GDAP1: variants seen among roughly 807,000 people sequenced by gnomAD.
GDAP1 encodes the protein ganglioside-induced differentiation-associated protein 1.
A neutral mutation model predicts 40.1 loss-of-function variants in GDAP1; 34 were observed. The observed-to-expected ratio is 0.85, with a 90% confidence interval of 0.64 to 1.13. GDAP1 has a LOEUF of 1.13. GDAP1 is among the 50% of genes most tolerant of loss of function. The pLI is 0.00. For missense variants in GDAP1, 374 were observed against 433.7 expected (o/e 0.86, Z 1.22); for synonymous variants, 170 against 157.4 (o/e 1.08, Z -0.60).
At chr8:74,484,080 T>C (rs1459558912) in intron 2 of GDAP1, among the ~76,000 whole-genome samples, 2 of 152,236 alleles carry the variant, frequency 1.3e-5, no homozygotes, top group Non-Finnish European at 2.9e-5. Flanking sequence ...AATATTGGTT[T>C]AATGAATAAA....
At chr8:74,355,634 A>T (rs995712168) in intron 2 of GDAP1, among the ~76,000 whole-genome samples, 2 of 152,214 alleles carry the variant, frequency 1.3e-5, no homozygotes, top group African/African-American at 4.8e-5. Context: ...TTTTCAATCT[A>T]TCTATTGTAC....
At chr8:74,362,794 T>TTA in intron 4 of GDAP1, 145 bp from the exon 5 acceptor site, 3 of 417,466 alleles carry the variant, frequency 7.2e-6, no homozygotes, top group Non-Finnish European at 1.3e-5. Flanking sequence ...CTTTTTTTTT[T>TTA]TTTTTTTTTT....
intron 2 of GDAP1, among the ~76,000 whole-genome samples, chr8:74,436,402 T>C (rs1806088647): frequency 6.8e-6 from 1 of 146,836 alleles, no homozygotes; most frequent in African/African-American, 2.5e-5. Flanking sequence ...AAACTTTTCC[T>C]TCCTAAACCA....
chr8:74,370,608 A>G (rs904526320), downstream of GDAP1, among the ~76,000 whole-genome samples: 1 of 152,256 alleles, frequency 6.6e-6, no homozygotes, highest in African/African-American at 2.4e-5. Flanking sequence ...AATGGAAAAC[A>G]TAGCAAGGTG....
intron 2 of GDAP1, among the ~76,000 whole-genome samples, chr8:74,377,447 C>T (rs909658254): frequency 4.6e-5 from 7 of 152,278 alleles, no homozygotes; most frequent in Admixed American, 6.5e-5. Context: ...AAATGCTCAA[C>T]ATTGTTATTC....
chr8:74,455,101 T>G (rs903693248), intron 2 of GDAP1, among the ~76,000 whole-genome samples: 1 of 151,966 alleles, frequency 6.6e-6, no homozygotes, highest in East Asian at 1.9e-4. Context: ...TTATTAAAAT[T>G]AAAAGATTCA....
downstream of GDAP1, chr8:74,367,021 C>A (rs1332571593): frequency 1.3e-5 from 3 of 235,604 alleles, no homozygotes; most frequent in Non-Finnish European, 2.5e-5. Context: ...TTCGTTATAA[C>A]AAAATTGCTG....
At chr8:74,426,389 A>G (rs1805948222) in intron 2 of GDAP1, among the ~76,000 whole-genome samples, 1 of 152,234 alleles carries the variant, frequency 6.6e-6, no homozygotes. Context: ...TTTGATTAAA[A>G]GTGGACATTC....
At chr8:74,369,977 A>G, downstream of GDAP1, among the ~76,000 whole-genome samples, 1 of 152,216 alleles carries the variant, frequency 6.6e-6, no homozygotes, top group Non-Finnish European at 1.5e-5. Context: ...CAGAGAAAAT[A>G]CCCCTTAAAA....
At position 74,364,287 on chromosome 8, in the gene GDAP1, G is replaced by A. The variant is rs1809518441; in HGVS notation, c.997G>A (p.Gly333Arg). The A allele has an allele frequency of 1.2e-6, 2 of 1,613,912 alleles. No individual in the cohort carries two copies. Among genetic ancestry groups the A allele is most frequent in the South Asian group, 1.1e-5 (1 of 91,076 alleles). ...TLVVGLLAGV[G>R]YFAFMLFRKR... ...TGTGGTTGGTTTGCTTGCAGGAGTGGGATATTTTGCTTTTATGCTTTTCAG... is the reference window on the plus strand; with the variant it reads ...TGTGGTTGGTTTGCTTGCAGGAGTGAGATATTTTGCTTTTATGCTTTTCAG... The change falls in exon 6 of 6, where the codon GGA becomes AGA. Residue 333 changes from glycine to arginine, a missense_variant. Physicochemically the swap from Gly to Arg is moderately radical, Grantham distance 125. Coordinates refer to ENST00000220822, the MANE Select transcript of GDAP1 (RefSeq NM_018972.4).
At chr8:74,384,135 TA>T (rs1387117166) in intron 2 of GDAP1, among the ~76,000 whole-genome samples, 1 of 152,218 alleles carries the variant, frequency 6.6e-6, no homozygotes. Flanking sequence ...ATGTTTATTT[TA>T]AAAACAATTT....
chr8:74,381,979 A>G (rs1307446113), intron 2 of GDAP1, among the ~76,000 whole-genome samples: 1 of 151,826 alleles, frequency 6.6e-6, no homozygotes, highest in Admixed American at 6.6e-5. Context: ...ATTGGCCACT[A>G]TGCTGGGGTA....
chr8:74,404,197 T>G (rs1479991354), intron 2 of GDAP1, among the ~76,000 whole-genome samples: 1 of 149,586 alleles, frequency 6.7e-6, no homozygotes, highest in Non-Finnish European at 1.5e-5. Flanking sequence ...TGCATTAACT[T>G]AAAAAAAATC....
intron 2 of GDAP1, among the ~76,000 whole-genome samples, chr8:74,426,826 A>T (rs1805953040): frequency 1.3e-5 from 2 of 152,180 alleles, no homozygotes; most frequent in South Asian, 4.1e-4. Context: ...TACATAGGAA[A>T]TACATACAAA....
intron 2 of GDAP1, among the ~76,000 whole-genome samples, chr8:74,476,460 C>T (rs1196476667): frequency 1.3e-5 from 2 of 152,158 alleles, no homozygotes; most frequent in African/African-American, 4.8e-5. Flanking sequence ...TTCAGGCGCT[C>T]TTGTAAGGCA....
Position 74,397,916 on chromosome 8 carries a change from G to A in GDAP1, c.165+46595G>A, listed in dbSNP as rs944128943. ...AGAAAGTCATTGGTAGCTTGATGGG[G>A]ATGGCATTGAATCTATAAATTACCT... On this transcript the variant is annotated intron_variant, in intron 2 of 2. Transcript: ENST00000523640. Among the ~76,000 whole-genome samples the A allele has an allele frequency of 1.0e-3, 151 of 151,742 alleles. No individual in the cohort carries two copies. The Middle Eastern group carries it at 0.014, about 14-fold the overall frequency.
intron 2 of GDAP1, among the ~76,000 whole-genome samples, chr8:74,447,284 C>T (rs1473623980): frequency 6.6e-6 from 1 of 152,060 alleles, no homozygotes; most frequent in Non-Finnish European, 1.5e-5. Flanking sequence ...ATGTCTTTCT[C>T]ATTAACAAAA....
At chr8:74,381,083 A>T (rs1586815914) in intron 2 of GDAP1, among the ~76,000 whole-genome samples, 1 of 150,604 alleles carries the variant, frequency 6.6e-6, no homozygotes, top group African/African-American at 2.4e-5. Flanking sequence ...ATGTTATTTG[A>T]GTGTGTGTGT....
At chr8:74,381,802 A>G (rs1809958332) in intron 2 of GDAP1, among the ~76,000 whole-genome samples, 1 of 151,848 alleles carries the variant, frequency 6.6e-6, no homozygotes, top group Non-Finnish European at 1.5e-5. Context: ...AAAAAATTTA[A>G]CACTGAAACT....
Sources: allele counts gnomAD v4.1 joint callset (sites outside exome capture counted in the v4.1 genomes callset), GRCh38; gene constraint gnomAD v4.1.1; transcripts MANE v1.5; gene names NCBI Gene and HGNC (gene_info 2026-07-23, HGNC 2026-07-21).